Variants in ABCC1 observed in about 807,000 individuals in gnomAD.
ABCC1 encodes the protein ATP binding cassette subfamily C member 1 (ABCC1 blood group).
In ABCC1, 83 loss-of-function variants were observed where a neutral mutation model predicts 172.9. The observed-to-expected ratio is 0.48, with a 90% CI of 0.40 to 0.58. ABCC1 has a LOEUF of 0.58. Among genes scored for constraint, ABCC1 ranks in the 20% least tolerant of loss-of-function variants. The pLI is 0.00. For synonymous variants in ABCC1, 937 were observed against 825.2 expected (o/e 1.14, Z -2.32); for missense variants, 1,817 against 2,002.7 (o/e 0.91, Z 1.77).
At chr16:16,090,367 T>C (rs372079698) in intron 18 of ABCC1, 38 bp from the exon 19 acceptor site, 11 of 1,485,524 alleles carry the variant, frequency 7.4e-6, no homozygotes, top group South Asian at 2.6e-5. Context: ...GTCTCACACA[T>C]GTGCACTCAC....
chr16:16,099,691 C>T (rs908218828), intron 19 of ABCC1, among the ~76,000 whole-genome samples: 1 of 152,114 alleles, frequency 6.6e-6, no homozygotes, highest in African/African-American at 2.4e-5. Flanking sequence ...TTTTATGGGG[C>T]GACCTCAGAC....
chr16:15,968,790 A>G (rs532316331), intron 1 of ABCC1, among the ~76,000 whole-genome samples: 5 of 152,188 alleles, frequency 3.3e-5, no homozygotes, highest in Non-Finnish European at 5.9e-5. Context: ...GGGCACGATC[A>G]TGGCCCACTG....
intron 27 of ABCC1, among the ~76,000 whole-genome samples, chr16:16,132,510 G>GTTTTTTTTTTTTTTTTTTTTTTTT (rs71137915): frequency 2.7e-5 from 1 of 37,298 alleles, no homozygotes; most frequent in Non-Finnish European, 5.0e-5. Context: ...TTGGTTGGTT[G>GTTTTTTTTTTTTTTTTTTTTTTTT]TTTTTTTTTT....
intron 5 of ABCC1, 50 bp downstream of exon 5, chr16:16,016,671 G>C: frequency 6.2e-7 from 1 of 1,607,364 alleles, no homozygotes; most frequent in South Asian, 1.1e-5. Context: ...TGAGAGAGAT[G>C]CGTGACACAG....
At position 16,111,473 on chromosome 16, in the gene ABCC1, G is replaced by T; in HGVS notation, c.2970G>T (p.Leu990=). 1 of 1,614,162 alleles carries T rather than the reference G, an allele frequency of 6.2e-7. No individual in the cohort carries two copies. The highest frequency in any genetic ancestry group is 8.5e-7 in the Non-Finnish European group (1 of 1,180,036). The part of the protein sequence containing the change: ...FLFMCNHVSA[L]ASNYWLSLWT... ...TCATGTGTAACCATGTGTCCGCGCT[G>T]GCTTCCAACTATTGGCTCAGCCTCT... The change falls in exon 22 of 31, where the codon CTG becomes CTT. Residue 990 remains leucine, a synonymous_variant. Coordinates refer to ENST00000399410, the MANE Select transcript of ABCC1 (RefSeq NM_004996.4).
At chr16:15,965,590 C>G (rs1477745684) in intron 1 of ABCC1, among the ~76,000 whole-genome samples, 1 of 151,428 alleles carries the variant, frequency 6.6e-6, no homozygotes, top group Non-Finnish European at 1.5e-5. Flanking sequence ...CTGTGCCCAG[C>G]CCCTTTCTCC....
At chr16:16,046,562 C>G (rs1025394600) in intron 9 of ABCC1, among the ~76,000 whole-genome samples, 2 of 152,054 alleles carry the variant, frequency 1.3e-5, no homozygotes, top group Admixed American at 6.6e-5. Context: ...CCAGGCTGAT[C>G]TTGAACTGCT....
chr16:16,095,381 C>T (rs1268138700), intron 19 of ABCC1, among the ~76,000 whole-genome samples: 2 of 152,258 alleles, frequency 1.3e-5, no homozygotes, highest in Non-Finnish European at 2.9e-5. Context: ...ATTGCCCCCA[C>T]CCTGGGGACA....
chr16:15,951,091 G>A (rs1732551610), intron 1 of ABCC1, among the ~76,000 whole-genome samples: 1 of 152,170 alleles, frequency 6.6e-6, no homozygotes, highest in South Asian at 2.1e-4. Context: ...TTTGCAGATG[G>A]ACTTTCTTTA....
rs1418875640 is a variant in ABCC1, at chr16:16,016,607, A to G, written c.601A>G (p.Thr201Ala). The G allele has an allele frequency of 1.9e-6, 3 of 1,614,076 alleles. No individual in the cohort carries two copies. The highest frequency in any genetic ancestry group is 2.5e-6 in the Non-Finnish European group (3 of 1,180,034). The stretch of plus-strand genomic sequence containing the variant: ...AGATCGCTCACCCCTGTTCTCGGAA[A>G]CCATCCACGACCCTGTAAGTGTGAC... Reference protein sequence around the residue: ...FSDRSPLFSETIHDPNPCPES... With the variant: ...FSDRSPLFSEAIHDPNPCPES... Residue 201 changes from threonine to alanine, a missense_variant, in exon 5 of 31, where the codon ACC (threonine) becomes GCC (alanine). By Grantham distance (58) the Thr-to-Ala change is moderately conservative. Transcript: ENST00000399410.
intron 2 of ABCC1, 114 bp downstream of exon 2, chr16:16,008,106 T>A: frequency 9.3e-7 from 1 of 1,070,336 alleles, no homozygotes; most frequent in Non-Finnish European, 1.3e-6. Context: ...AGTTCCTTCT[T>A]CTAGAAGGCA....
chr16:16,072,832 A>G (rs919437361), intron 14 of ABCC1, among the ~76,000 whole-genome samples: 3 of 151,724 alleles, frequency 2.0e-5, no homozygotes, highest in Middle Eastern at 3.4e-3. Flanking sequence ...ACTTGAGGTC[A>G]GGAGTTCGAG....
rs751343667 is a variant in ABCC1 at position 16,083,450 on chromosome 16, G to C, written c.2200G>C (p.Glu734Gln). ...CATCCTTTTTGGATGTCAGCTGGAG[G>C]AACCATATTACAGGTCCGTGATACA... Reference protein sequence around the residue: ...ENILFGCQLEEPYYRSVIQAC... With the variant: ...ENILFGCQLEQPYYRSVIQAC... Residue 734 changes from glutamate to glutamine, a missense_variant, in exon 17 of 31, where the codon GAA becomes CAA. By Grantham distance (29) the Glu-to-Gln change is conservative. Coordinates refer to ENST00000399410, the MANE Select transcript of ABCC1 (RefSeq NM_004996.4). 6.2e-7 allele frequency: 1 copy of C among 1,613,968 alleles called. No homozygotes were observed. Among genetic ancestry groups the C allele is most frequent in the South Asian group, 1.1e-5 (1 of 91,064 alleles).
At chr16:16,055,041 G>A (rs1474736331) in intron 11 of ABCC1, among the ~76,000 whole-genome samples, 2 of 152,110 alleles carry the variant, frequency 1.3e-5, no homozygotes, top group East Asian at 3.9e-4. Flanking sequence ...ACCAGCCTGA[G>A]CAACATAGCA....
rs146269833 is a variant in ABCC1 at position 16,112,365 on chromosome 16, A to G, written c.3079+783A>G. 5.3e-4 allele frequency among the ~76,000 whole-genome samples: 79 copies of G among 149,050 alleles called. No individual in the cohort carries two copies. The East Asian group carries it at 0.011, about 20-fold the overall frequency. On this transcript the variant is annotated intron_variant, in intron 22 of 30. Transcript: ENST00000399410. ...GGTGACAGAGCAAGACCCTGTCTCAAAAAATAAACAAAAAAAAAAAAACCC... is the reference window on the plus strand; with the variant it reads ...GGTGACAGAGCAAGACCCTGTCTCAGAAAATAAACAAAAAAAAAAAAACCC...
chr16:15,998,188 G>A (rs1299772102), intron 1 of ABCC1, among the ~76,000 whole-genome samples: 1 of 151,174 alleles, frequency 6.6e-6, no homozygotes, highest in African/African-American at 2.4e-5. Flanking sequence ...TGGGTGGGAC[G>A]ATCAAAGCTC....
At chr16:15,964,944 T>C (rs1331364853) in intron 1 of ABCC1, among the ~76,000 whole-genome samples, 1 of 152,228 alleles carries the variant, frequency 6.6e-6, no homozygotes, top group Non-Finnish European at 1.5e-5. Flanking sequence ...TAGTTTGTCT[T>C]TTTCCTGTTA....
In ABCC1 at chr16:16,076,189, TG is replaced by T; in HGVS notation, c.1913-136del. ...TTCTTCTTTCAGAACCCGTGGCTGA[TG>T]TCACCAGATAATAATGCCTAGCGCC... On this transcript the variant is annotated intron_variant, in intron 14 of 30. Coordinates refer to ENST00000399410, the MANE Select transcript of ABCC1 (RefSeq NM_004996.4). The T allele has an allele frequency of 3.8e-6, 3 of 783,726 alleles. No individual in the cohort carries two copies. In the South Asian group the frequency reaches 5.2e-5, roughly 13 times the overall value. The allele number at this position is 783,726 out of a possible 1,614,324, so 48.5% of individuals were successfully genotyped here.
chr16:15,957,872 A>G (rs1277252605), intron 1 of ABCC1, among the ~76,000 whole-genome samples: 1 of 152,190 alleles, frequency 6.6e-6, no homozygotes, highest in Non-Finnish European at 1.5e-5. Context: ...GATTACAGGC[A>G]TGAGCCACTG....
Sources: gnomAD v4.1 joint callset for allele counts (sites outside exome capture counted in the v4.1 genomes callset) on GRCh38, gnomAD v4.1.1 for gene constraint, MANE v1.5 for transcripts, NCBI Gene and HGNC (gene_info 2026-07-23, HGNC 2026-07-21) for gene names.